N4BP2: variants seen among roughly 807,000 people sequenced by gnomAD.
N4BP2 encodes the protein NEDD4 binding protein 2.
Under a neutral mutation model 152.8 loss-of-function variants are expected in N4BP2, and 91 were observed. The observed-to-expected ratio is 0.60, with a 90% confidence interval of 0.50 to 0.71. N4BP2 has a LOEUF of 0.71. N4BP2 is among the 30% of genes least tolerant of loss of function. The pLI, the probability that N4BP2 is intolerant of heterozygous loss-of-function variation, is 0.00. For synonymous variants in N4BP2, 646 were observed against 705.3 expected (o/e 0.92, Z 1.33); for missense variants, 1,923 against 2,059.1 (o/e 0.93, Z 1.28).
intron 2 of N4BP2, among the ~76,000 whole-genome samples, chr4:40,074,069 G>A (rs1232975204): frequency 1.3e-5 from 2 of 152,056 alleles, no homozygotes; most frequent in African/African-American, 4.8e-5. Flanking sequence ...TGGGATTACA[G>A]GCGTGAGCCA....
At position 40,122,213 on chromosome 4, in the gene N4BP2, G is replaced by A. The variant is rs370033782; in HGVS notation, c.4102G>A (p.Ala1368Thr). 3.1e-6 allele frequency: 5 copies of A among 1,613,626 alleles called. No individual in the cohort carries two copies. The highest frequency in any genetic ancestry group is 1.3e-5 in the African/African-American group (1 of 74,896). Residue 1368 changes from alanine to threonine, a missense_variant, in exon 9 of 18, where the codon GCC (alanine) becomes ACC (threonine). Ala to Thr is a moderately conservative substitution (Grantham distance 58). Transcript: ENST00000261435. ...GATATTGAATCCCACTCCAGCGATG[G>A]CCAAATCTCTGACCATAGACTGTCT... ...TEILNPTPAM[A>T]KSLTIDCLEL...
intron 2 of N4BP2, among the ~76,000 whole-genome samples, chr4:40,086,269 G>C (rs1285941056): frequency 6.6e-6 from 1 of 151,512 alleles, no homozygotes; most frequent in Non-Finnish European, 1.5e-5. Flanking sequence ...CCAGGAGTTT[G>C]AGACCAGCCT....
At chr4:40,176,913 C>T in the N4BP2 span, among the ~76,000 whole-genome samples, 1 of 152,230 alleles carries the variant, frequency 6.6e-6, no homozygotes, top group Non-Finnish European at 1.5e-5. Context: ...CGGGGGATCC[C>T]TGTTTTCCCC....
intron 2 of N4BP2, among the ~76,000 whole-genome samples, chr4:40,083,308 G>A (rs550489593): frequency 1.3e-4 from 20 of 152,184 alleles, no homozygotes; most frequent in East Asian, 5.8e-4. Context: ...TAGAGTTACC[G>A]TATGAACTAG....
chr4:40,126,169 C>A lies in N4BP2; in HGVS notation c.4366C>A (p.Pro1456Thr), dbSNP rs267600152. Residue 1456 changes from proline to threonine, a missense_variant, in exon 12 of 18, where the codon CCT becomes ACT. Transcript: ENST00000261435. Reference sequence around the variant, plus strand: ...GGTTGGACATACTGGGCTTGATAATCCTGAACAAAAATCATCTCAGAGAAC... The same window carrying A: ...GGTTGGACATACTGGGCTTGATAATACTGAACAAAAATCATCTCAGAGAAC... ...SLVGHTGLDN[P>T]EQKSSQRTGK... 2 of 1,603,966 alleles carry A rather than the reference C, an allele frequency of 1.2e-6. No individual in the cohort carries two copies. The highest frequency in any genetic ancestry group is 1.7e-6 in the Non-Finnish European group (2 of 1,176,570).
At chr4:40,132,058 A>C (rs28712195) in intron 13 of N4BP2, 139 bp downstream of exon 13, 53,580 of 647,682 alleles carry the variant, frequency 0.083, 5,406 homozygotes, top group East Asian at 0.44. Flanking sequence ...CAAGACCCAC[A>C]GTGGGTGCAT....
chr4:40,184,761 G>T, the N4BP2 span, among the ~76,000 whole-genome samples: 5 of 152,082 alleles, frequency 3.3e-5, no homozygotes, highest in Admixed American at 3.3e-4. Flanking sequence ...TTCGAGACTA[G>T]CCTGGCCAAC....
At position 40,120,109 on chromosome 4, in the gene N4BP2, T is replaced by C. The variant is rs759249996; in HGVS notation, c.1998T>C (p.Ser666=). The change falls in exon 9 of 18, where the codon AGT becomes AGC. Residue 666 remains serine, a synonymous_variant. Transcript: ENST00000261435. The part of the protein sequence containing the change: ...ADLNKRRKEI[S]DMNPSIQSAL... ...TAAACAAAAGAAGAAAAGAAATAAG[T>C]GATATGAATCCTAGCATTCAAAGTG... 1 of 1,611,714 alleles carries C rather than the reference T, an allele frequency of 6.2e-7. No individual in the cohort carries two copies.
chr4:40,137,799 G>C (rs1053323907), intron 14 of N4BP2, among the ~76,000 whole-genome samples: 1 of 152,188 alleles, frequency 6.6e-6, no homozygotes, highest in Non-Finnish European at 1.5e-5. Context: ...GTAAGGCAGG[G>C]TAAGCAGGTT....
At chr4:40,181,525 C>T in the N4BP2 span, among the ~76,000 whole-genome samples, 1 of 152,204 alleles carries the variant, frequency 6.6e-6, no homozygotes, top group African/African-American at 2.4e-5. Context: ...TGCTCCAAGG[C>T]TGGTATGGCA....
At chr4:40,141,420 G>T (rs1278169231) in intron 14 of N4BP2, among the ~76,000 whole-genome samples, 131 of 151,850 alleles carry the variant, frequency 8.6e-4, no homozygotes, top group Non-Finnish European at 1.6e-3. Flanking sequence ...GGTCGCGGCC[G>T]GGTAGAGGCG....
intron 2 of N4BP2, among the ~76,000 whole-genome samples, chr4:40,077,544 C>T (rs1578965239): frequency 1.3e-5 from 2 of 151,766 alleles, no homozygotes. Context: ...ACCTCTGCCT[C>T]CCGGATTCAA....
In N4BP2 at chr4:40,120,105, T is replaced by C. The variant is rs1214588232; in HGVS notation, c.1994T>C (p.Ile665Thr). Reference protein sequence around the residue: ...NADLNKRRKEISDMNPSIQSA... With the variant: ...NADLNKRRKETSDMNPSIQSA... ...GATTTAAACAAAAGAAGAAAAGAAA[T>C]AAGTGATATGAATCCTAGCATTCAA... The change falls in exon 9 of 18, where the codon ATA (isoleucine) becomes ACA (threonine). Residue 665 changes from isoleucine (I) to threonine (T), a missense_variant. Physicochemically the swap from Ile to Thr is moderately conservative, Grantham distance 89 (BLOSUM62 -1). Coordinates refer to ENST00000261435, the MANE Select transcript of N4BP2 (RefSeq NM_018177.6). The C allele has an allele frequency of 1.9e-6, 3 of 1,611,708 alleles. No individual in the cohort carries two copies. The highest frequency in any genetic ancestry group is 2.5e-6 in the Non-Finnish European group (3 of 1,179,286).
At chr4:40,118,064 T>C in intron 8 of N4BP2, 40 bp downstream of exon 8, 10 of 1,444,248 alleles carry the variant, frequency 6.9e-6, no homozygotes, top group Non-Finnish European at 9.3e-6. Flanking sequence ...CAATTTGAAA[T>C]ATAATTTTTA....
rs761237481 is a variant in N4BP2, at chr4:40,152,823, G to C, written c.5187G>C (p.Thr1729=). 17 of 1,613,770 alleles carry C rather than the reference G, an allele frequency of 1.1e-5. No homozygotes were observed. Among genetic ancestry groups the C allele is most frequent in the Admixed American group, 3.3e-5 (2 of 59,982 alleles). ...GGAAGCCCTATTTGTCTGTGATTAC[G>C]GGGAGAGGAAACCACAGCCAGGGAG... ...NGGKPYLSVI[T]GRGNHSQGGV... The change falls in exon 17 of 18, where the codon ACG becomes ACC. Residue 1729 remains threonine, a synonymous_variant. Coordinates refer to ENST00000261435, the MANE Select transcript of N4BP2 (RefSeq NM_018177.6).
chr4:40,113,242 A>G (rs1370401560), intron 6 of N4BP2, among the ~76,000 whole-genome samples, 190 bp from the exon 7 acceptor site: 3 of 152,188 alleles, frequency 2.0e-5, no homozygotes, highest in Admixed American at 6.5e-5. Context: ...ATGCTCTTAT[A>G]TAAGTATTTA....
rs377188372 is a variant in N4BP2 at position 40,112,159 on chromosome 4, C to T, written c.1574C>T (p.Pro525Leu). Residue 525 changes from proline to leucine, a missense_variant, in exon 6 of 18, where the codon CCA becomes CTA. Pro to Leu is a moderately conservative substitution (Grantham distance 98). Transcript: ENST00000261435. The part of the protein sequence containing the change: ...NTNLQAWEMK[P>L]YVALSQKHKY... ...AACCTACAGGCATGGGAAATGAAAC[C>T]ATATGTTGCTTTGGTTAGTACCATA... The T allele has an allele frequency of 1.9e-6, 3 of 1,564,806 alleles. No homozygotes were observed. Among genetic ancestry groups the T allele is most frequent in the East Asian group, 2.3e-5 (1 of 44,192 alleles).
intron 12 of N4BP2, among the ~76,000 whole-genome samples, chr4:40,129,061 CT>C (rs915691029): frequency 1.3e-5 from 2 of 151,342 alleles, no homozygotes; most frequent in Non-Finnish European, 2.9e-5. Context: ...TTTTTCTTTT[CT>C]TTTTTTTGAG....
downstream of N4BP2, among the ~76,000 whole-genome samples, chr4:40,158,714 G>A (rs1002487259): frequency 1.3e-5 from 2 of 151,684 alleles, no homozygotes; most frequent in East Asian, 1.9e-4. Context: ...TGGAGGTTGC[G>A]ATGAGGCGAG....
Sources: gnomAD v4.1 joint callset for allele counts (sites outside exome capture counted in the v4.1 genomes callset) on GRCh38, gnomAD v4.1.1 for gene constraint, MANE v1.5 for transcripts, NCBI Gene and HGNC (gene_info 2026-07-23, HGNC 2026-07-21) for gene names.